SLC12A1: variants seen among roughly 807,000 people sequenced by gnomAD.
The protein encoded by SLC12A1 is Na-K-2Cl cotransporter.
SLC12A1 carries 89 observed loss-of-function variants against 130.4 expected under a neutral mutation model. That is an observed-to-expected ratio of 0.68 (90% CI 0.58 to 0.81). SLC12A1 has a LOEUF of 0.81. Among genes scored for constraint, SLC12A1 ranks in the 40% least tolerant of loss-of-function variants. SLC12A1 has a pLI of 0.00. For missense variants in SLC12A1, 1,310 were observed against 1,336.4 expected (o/e 0.98, Z 0.31); for synonymous variants, 499 against 460.0 (o/e 1.08, Z -1.09).
chr15:48,234,315 T>C (rs968796159), intron 8 of SLC12A1, among the ~76,000 whole-genome samples: 1 of 152,154 alleles, frequency 6.6e-6, no homozygotes, highest in African/African-American at 2.4e-5. Flanking sequence ...TGGATCTCTT[T>C]TGGCACAAAA....
At chr15:48,238,442 A>G (rs1356023188) in intron 9 of SLC12A1, among the ~76,000 whole-genome samples, 1 of 152,188 alleles carries the variant, frequency 6.6e-6, no homozygotes, top group Non-Finnish European at 1.5e-5. Flanking sequence ...ACAGACCTTC[A>G]AAGTATTAAT....
chr15:48,286,182 C>CT (rs752835063), intron 21 of SLC12A1, among the ~76,000 whole-genome samples: 9 of 152,182 alleles, frequency 5.9e-5, no homozygotes, highest in Non-Finnish European at 8.8e-5. Flanking sequence ...TGCTTTCCTA[C>CT]TATAGCCCAA....
intron 5 of SLC12A1, chr15:48,228,485 G>A (rs558156429): frequency 1.4e-4 from 21 of 155,476 alleles, no homozygotes; most frequent in South Asian, 1.3e-3. Context: ...TTGATTTATC[G>A]AATGAATAAT....
At chr15:48,245,624 A>G (rs1008741871) in intron 11 of SLC12A1, among the ~76,000 whole-genome samples, 7 of 152,154 alleles carry the variant, frequency 4.6e-5, no homozygotes, top group African/African-American at 1.7e-4. Flanking sequence ...GCTGTGTAGT[A>G]TTGCATGGTG....
At chr15:48,297,788 T>G (rs1260207114) in intron 24 of SLC12A1, among the ~76,000 whole-genome samples, 22 of 152,212 alleles carry the variant, frequency 1.4e-4, no homozygotes. Flanking sequence ...TTTTATAGCC[T>G]AGAATATCCA....
intron 9 of SLC12A1, among the ~76,000 whole-genome samples, chr15:48,239,930 C>T (rs1201307136): frequency 6.6e-6 from 1 of 150,708 alleles, no homozygotes; most frequent in East Asian, 2.0e-4. Context: ...GGATTACAGG[C>T]GTGAGCCACT....
At chr15:48,225,882 T>A (rs1411824433) in intron 4 of SLC12A1, 1 of 984,954 alleles carries the variant, frequency 1.0e-6, no homozygotes, top group Non-Finnish European at 1.2e-6. Context: ...GGCTTAGCCG[T>A]GACAGTGACT....
In SLC12A1 at chr15:48,208,043, C is replaced by T. The variant is rs767159385; in HGVS notation, c.324C>T (p.Ala108=). The T allele has an allele frequency of 5.6e-6, 9 of 1,613,928 alleles. No homozygotes were observed. Among genetic ancestry groups the T allele is most frequent in the South Asian group, 5.5e-5 (5 of 91,068 alleles). Residue 108 remains alanine, a synonymous_variant, in exon 2 of 27, where the codon GCC becomes GCT. Coordinates refer to ENST00000380993, the MANE Select transcript of SLC12A1 (RefSeq NM_000338.3). Reference sequence around the variant, plus strand: ...CTTTTGGCCACAACACCATGGATGCCGTTCCCAAGATAGAGTACTATCGTA... The same window carrying T: ...CTTTTGGCCACAACACCATGGATGCTGTTCCCAAGATAGAGTACTATCGTA... ...LQTFGHNTMD[A]VPKIEYYRNT...
rs1376506346 is a variant in SLC12A1 at position 48,226,399 on chromosome 15, G to A, written c.629-77G>A. On this transcript the variant is annotated intron_variant, in intron 4 of 26. Coordinates refer to ENST00000380993, the MANE Select transcript of SLC12A1 (RefSeq NM_000338.3). ...ATGGACCTGAAAACTTAAGTTAAAG[G>A]CAGTGTAGTTTGCAGCAATAGGGAA... is the stretch of plus-strand genomic sequence containing the variant. 3 of 862,272 alleles carry A rather than the reference G, an allele frequency of 3.5e-6. No individual in the cohort carries two copies. The East Asian group carries it at 7.9e-5, about 23-fold the overall frequency. The allele number at this position is 862,272 out of a possible 1,614,324, so 53.4% of individuals were successfully genotyped here. A position where few individuals can be genotyped will look rare whatever the true frequency, so the allele number is the denominator to read the frequency against.
intron 2 of SLC12A1, among the ~76,000 whole-genome samples, chr15:48,211,498 T>C (rs2041051507): frequency 6.6e-6 from 1 of 152,136 alleles, no homozygotes; most frequent in Non-Finnish European, 1.5e-5. Flanking sequence ...AGAACAAACA[T>C]TATGTGATTA....
At chr15:48,241,338 C>T (rs1378162291) in intron 9 of SLC12A1, among the ~76,000 whole-genome samples, 177 bp from the exon 10 acceptor site, 1 of 152,212 alleles carries the variant, frequency 6.6e-6, no homozygotes, top group African/African-American at 2.4e-5. Flanking sequence ...ACTCTGCACA[C>T]CTTGTCTTTG....
In SLC12A1 at chr15:48,259,181, A is replaced by C. The variant is rs751553807; in HGVS notation, c.2043-19A>C. On this transcript the variant is annotated intron_variant, in intron 16 of 26. Transcript: ENST00000380993. ...GCTTCTTGCAGGGGCTCATTTTCACATCTTTTTTTTACTTCCAGGCCCCAG... is the reference window on the plus strand; with the variant it reads ...GCTTCTTGCAGGGGCTCATTTTCACCTCTTTTTTTTACTTCCAGGCCCCAG... 6.6e-7 allele frequency: 1 copy of C among 1,513,706 alleles called. No individual in the cohort carries two copies. The highest frequency in any genetic ancestry group is 9.2e-7 in the Non-Finnish European group (1 of 1,089,028). 93.8% of individuals were successfully genotyped at this position (1,513,706 alleles called of 1,614,324 possible).
rs1040940659 is a variant in SLC12A1, at chr15:48,241,063, C to T, written c.1216-452C>T. 5.9e-5 allele frequency among the ~76,000 whole-genome samples: 9 copies of T among 152,164 alleles called. No individual in the cohort carries two copies. In the East Asian group the frequency reaches 7.7e-4, roughly 13 times the overall value. ...TAGTAAGTAGATCATCCTTTTTACT[C>T]AGTCAAAAGTGATTTTTTTAAAGGC... On this transcript the variant is annotated intron_variant, in intron 9 of 26. Transcript: ENST00000380993.
At chr15:48,226,437 A>G (rs753347097) in intron 4 of SLC12A1, 39 bp from the exon 5 acceptor site, 2 of 1,290,650 alleles carry the variant, frequency 1.5e-6, no homozygotes, top group Non-Finnish European at 1.1e-6. Flanking sequence ...CAAGGAAGAA[A>G]AGTAAAATGC....
At chr15:48,240,506 T>A (rs2141048704) in intron 9 of SLC12A1, among the ~76,000 whole-genome samples, 1 of 152,312 alleles carries the variant, frequency 6.6e-6, no homozygotes, top group Admixed American at 6.5e-5. Flanking sequence ...TGACTTCCAG[T>A]CATCAAGTTG....
intron 17 of SLC12A1, among the ~76,000 whole-genome samples, chr15:48,266,368 T>C (rs969669250): frequency 3.3e-4 from 50 of 152,044 alleles, no homozygotes; most frequent in African/African-American, 1.2e-3. Flanking sequence ...AAGGATAAGA[T>C]ACAAAAGCTC....
chr15:48,302,484 G>A (rs553892885), intron 26 of SLC12A1, among the ~76,000 whole-genome samples: 1,512 of 150,502 alleles, frequency 0.01, 32 homozygotes, highest in African/African-American at 0.035. Flanking sequence ...GCCGGGCGCG[G>A]TGGCGGGCGC....
intron 11 of SLC12A1, among the ~76,000 whole-genome samples, chr15:48,246,360 T>C (rs1298813275): frequency 6.6e-6 from 1 of 152,152 alleles, no homozygotes; most frequent in Non-Finnish European, 1.5e-5. Context: ...GAGGGGAAAA[T>C]GTCAAAATCC....
intron 13 of SLC12A1, among the ~76,000 whole-genome samples, chr15:48,247,911 T>C (rs2041601950): frequency 6.6e-6 from 1 of 152,188 alleles, no homozygotes; most frequent in Non-Finnish European, 1.5e-5. Flanking sequence ...TGAGTCAGAC[T>C]CACTGAGGGT....
Sources: gnomAD v4.1 joint callset for allele counts (sites outside exome capture counted in the v4.1 genomes callset) on GRCh38, gnomAD v4.1.1 for gene constraint, MANE v1.5 for transcripts, NCBI Gene and HGNC (gene_info 2026-07-23, HGNC 2026-07-21) for gene names.